Variants in BMPER observed in about 807,000 individuals in gnomAD.
The protein encoded by BMPER is BMP-binding endothelial regulator protein.
In BMPER, 45 loss-of-function variants were observed where a neutral mutation model predicts 87.3. That is an observed-to-expected ratio of 0.52 (90% CI 0.41 to 0.66). The LOEUF (loss-of-function observed/expected upper bound fraction) is 0.66. BMPER is among the 30% of genes least tolerant of loss of function. BMPER has a pLI of 0.00. For synonymous variants in BMPER, 326 were observed against 316.2 expected, an observed-to-expected ratio of 1.03 and a Z score of -0.33; for missense variants, 784 against 867.5, an observed-to-expected ratio of 0.90 and a Z score of 1.21.
chr7:34,103,668 T>G, intron 13 of BMPER, among the ~76,000 whole-genome samples: 1 of 152,206 alleles, frequency 6.6e-6, no homozygotes, highest in South Asian at 2.1e-4. Context: ...ACATAGATTT[T>G]TAAAATAGCT....
chr7:34,107,854 G>A (rs1789863002), intron 13 of BMPER, among the ~76,000 whole-genome samples: 2 of 152,084 alleles, frequency 1.3e-5, no homozygotes, highest in African/African-American at 4.8e-5. Context: ...TCAAATCCTG[G>A]CTTCACCATT....
intron 13 of BMPER, among the ~76,000 whole-genome samples, chr7:34,097,359 G>A (rs1332653421): frequency 6.6e-6 from 1 of 152,166 alleles, no homozygotes; most frequent in Non-Finnish European, 1.5e-5. Context: ...CAAAAGCAGA[G>A]GCCAAATTAT....
chr7:33,967,055 A>G (rs1162651752), intron 4 of BMPER, among the ~76,000 whole-genome samples: 2 of 152,178 alleles, frequency 1.3e-5, no homozygotes, highest in East Asian at 3.9e-4. Context: ...CAATTCAGCA[A>G]CTAGGGAGTC....
chr7:33,985,353 A>G (rs1338317780), intron 6 of BMPER, among the ~76,000 whole-genome samples: 1 of 152,194 alleles, frequency 6.6e-6, no homozygotes, highest in Non-Finnish European at 1.5e-5. Context: ...AAAAGTTGAG[A>G]ATACTTTTAA....
intron 6 of BMPER, among the ~76,000 whole-genome samples, chr7:34,038,410 C>G (rs1305524165): frequency 6.6e-6 from 1 of 152,148 alleles, no homozygotes; most frequent in Non-Finnish European, 1.5e-5. Flanking sequence ...TCTAGAGCCT[C>G]CAGAAGGAAT....
chr7:34,114,128 C>T (rs1790052021), intron 13 of BMPER, among the ~76,000 whole-genome samples: 1 of 152,198 alleles, frequency 6.6e-6, no homozygotes, highest in Non-Finnish European at 1.5e-5. Flanking sequence ...TGTTTCACCC[C>T]CTTCCTCTTG....
intron 9 of BMPER, 53 bp downstream of exon 9, chr7:34,055,356 A>T: frequency 6.2e-7 from 1 of 1,609,502 alleles, no homozygotes; most frequent in Non-Finnish European, 8.5e-7. Context: ...GCTGACAATT[A>T]AAAAGCTCCA....
At chr7:33,929,981 G>T (rs187923440) in intron 2 of BMPER, among the ~76,000 whole-genome samples, 102 of 152,326 alleles carry the variant, frequency 6.7e-4, no homozygotes, top group African/African-American at 2.0e-3. Context: ...AAAAGCAGTG[G>T]AGGTTGGGGT....
intron 4 of BMPER, among the ~76,000 whole-genome samples, chr7:33,969,560 C>T (rs989288490): frequency 6.6e-5 from 10 of 152,070 alleles, no homozygotes; most frequent in Non-Finnish European, 1.0e-4. Flanking sequence ...CCACCACGCC[C>T]GGCTAATTTT....
chr7:33,980,022 C>T (rs879722397), intron 6 of BMPER, among the ~76,000 whole-genome samples: 6 of 152,188 alleles, frequency 3.9e-5, no homozygotes, highest in Admixed American at 1.3e-4. Flanking sequence ...CAGTTGAGAA[C>T]GTGATAATGT....
At chr7:33,946,839 C>T (rs13229882) in intron 3 of BMPER, among the ~76,000 whole-genome samples, 35,579 of 152,092 alleles carry the variant, frequency 0.23, 4,275 homozygotes, top group Middle Eastern at 0.38. Context: ...CATGCATTTG[C>T]GTTCCTGTTT....
chr7:33,957,923 G>GAA, intron 3 of BMPER, among the ~76,000 whole-genome samples: 1 of 152,288 alleles, frequency 6.6e-6, no homozygotes, highest in East Asian at 1.9e-4. Context: ...ATGCATTAGT[G>GAA]ACACAGATGG....
chr7:33,942,238 T>C (rs1270603108), intron 3 of BMPER, among the ~76,000 whole-genome samples: 1 of 152,170 alleles, frequency 6.6e-6, no homozygotes, highest in African/African-American at 2.4e-5. Context: ...GCAGTTAGAA[T>C]GCAGATTCCT....
chr7:34,115,140 C>T (rs191426056), intron 13 of BMPER, among the ~76,000 whole-genome samples: 4 of 152,252 alleles, frequency 2.6e-5, no homozygotes, highest in African/African-American at 9.6e-5. Context: ...TAGATATCTT[C>T]CCTCCAGGTG....
intron 13 of BMPER, among the ~76,000 whole-genome samples, chr7:34,099,293 A>C (rs1203264544): frequency 6.6e-6 from 1 of 152,220 alleles, no homozygotes; most frequent in African/African-American, 2.4e-5. Context: ...CATTACCACC[A>C]TAATCTGGTA....
intron 1 of BMPER, 100 bp from the exon 2 acceptor site, chr7:33,906,718 G>C: frequency 9.7e-7 from 1 of 1,032,504 alleles, no homozygotes; most frequent in Non-Finnish European, 1.5e-6. Flanking sequence ...TCTGAAGTTT[G>C]GGTAGAGGTT....
At chr7:34,130,573 T>C (rs1790557848) in intron 13 of BMPER, among the ~76,000 whole-genome samples, 1 of 152,246 alleles carries the variant, frequency 6.6e-6, no homozygotes, top group Admixed American at 6.5e-5. Context: ...AAAACAGGTT[T>C]TGAGCATGTA....
intron 13 of BMPER, among the ~76,000 whole-genome samples, chr7:34,091,213 TA>T (rs1191825514): frequency 6.6e-6 from 1 of 152,156 alleles, no homozygotes; most frequent in Non-Finnish European, 1.5e-5. Flanking sequence ...TATAAAGCAA[TA>T]GAAAATATAC....
Position 33,974,703 on chromosome 7 carries a change from CTGTGTGTTTGAGGG to C in BMPER, c.500_513del (p.Val167AlafsTer42). ...TCTAAACTCTTGTCTGCTTTCCAGGCTGTGTGTTTGAGGGTGTGCAGTATCAAGAAGGGGAGGAA... is the reference window on the plus strand; with the variant it reads ...TCTAAACTCTTGTCTGCTTTCCAGGCTGTGCAGTATCAAGAAGGGGAGGAA... On this transcript the variant is annotated frameshift_variant and splice_region_variant, in exon 6 of 15. Coordinates refer to ENST00000649409, the MANE Select transcript of BMPER (RefSeq NM_001365308.1). LOFTEE classifies it high-confidence loss of function. The C allele has an allele frequency of 1.9e-6, 3 of 1,613,916 alleles. No homozygotes were observed. Among genetic ancestry groups the C allele is most frequent in the Non-Finnish European group, 2.5e-6 (3 of 1,179,894 alleles).
Sources: allele counts gnomAD v4.1 joint callset (sites outside exome capture counted in the v4.1 genomes callset), GRCh38; gene constraint gnomAD v4.1.1; transcripts MANE v1.5; gene names NCBI Gene and HGNC (gene_info 2026-07-23, HGNC 2026-07-21).